Variants in SUSD1 observed in about 807,000 individuals in gnomAD.
The protein encoded by SUSD1 is sushi domain containing 1.
SUSD1 carries 65 observed loss-of-function variants against 86.9 expected under a neutral mutation model. The observed-to-expected ratio is 0.75, with a 90% confidence interval of 0.61 to 0.92. SUSD1 has a LOEUF of 0.92. SUSD1 is among the 40% of genes least tolerant of loss of function. SUSD1 has a pLI of 0.00. For missense variants in SUSD1, 850 were observed against 929.7 expected (o/e 0.91, Z 1.11); for synonymous variants, 346 against 350.0 (o/e 0.99, Z 0.13).
intron 5 of SUSD1, among the ~76,000 whole-genome samples, chr9:112,139,069 G>A (rs929420058): frequency 3.3e-5 from 5 of 152,208 alleles, no homozygotes; most frequent in South Asian, 2.1e-4. Flanking sequence ...AGCAAGTATA[G>A]GAAGAATTTA....
chr9:112,095,952 G>A (rs781429459), intron 10 of SUSD1, among the ~76,000 whole-genome samples: 3 of 152,134 alleles, frequency 2.0e-5, no homozygotes, highest in Non-Finnish European at 2.9e-5. Flanking sequence ...TCTTTGGAAC[G>A]GGCATCAAGA....
intron 2 of SUSD1, among the ~76,000 whole-genome samples, chr9:112,152,751 C>CTTTTTTTTTTTTTTTTT (rs71382410): frequency 5.8e-4 from 51 of 87,490 alleles, no homozygotes; most frequent in African/African-American, 8.0e-4. Flanking sequence ...TTTTTTTAAT[C>CTTTTTTTTTTTTTTTTT]TTTTTTTTTT....
chr9:112,118,603 G>A (rs1564311340), intron 6 of SUSD1, among the ~76,000 whole-genome samples: 1 of 152,132 alleles, frequency 6.6e-6, no homozygotes, highest in Non-Finnish European at 1.5e-5. Context: ...TCCAGCCTCA[G>A]CCTCCCGAGT....
chr9:112,089,964 C>G (rs1028011116), intron 10 of SUSD1, among the ~76,000 whole-genome samples: 7 of 152,092 alleles, frequency 4.6e-5, no homozygotes, highest in African/African-American at 1.7e-4. Flanking sequence ...TTCAACTCTG[C>G]CTTTGTTCCA....
chr9:112,090,490 G>A (rs1228405224), intron 10 of SUSD1, among the ~76,000 whole-genome samples: 2 of 151,938 alleles, frequency 1.3e-5, no homozygotes, highest in East Asian at 3.8e-4. Context: ...AATAATGAAG[G>A]AAACTTTACA....
intron 1 of SUSD1, among the ~76,000 whole-genome samples, chr9:112,165,993 G>GAA (rs1554777907): frequency 1.3e-5 from 2 of 151,144 alleles, no homozygotes; most frequent in East Asian, 2.0e-4. Context: ...AAGAAAGAAA[G>GAA]AAAATAATTT....
chr9:112,045,775 G>A (rs1332991520), intron 15 of SUSD1, among the ~76,000 whole-genome samples: 2 of 152,154 alleles, frequency 1.3e-5, no homozygotes, highest in East Asian at 3.8e-4. Flanking sequence ...TTTCTTCAAG[G>A]TTTATTGAAG....
At chr9:112,118,237 A>T (rs1831409494) in intron 6 of SUSD1, among the ~76,000 whole-genome samples, 1 of 152,196 alleles carries the variant, frequency 6.6e-6, no homozygotes, top group South Asian at 2.1e-4. Flanking sequence ...AACTACCTCC[A>T]AAGGACATTA....
intron 12 of SUSD1, 87 bp downstream of exon 12, chr9:112,078,451 A>C: frequency 7.5e-7 from 1 of 1,338,022 alleles, no homozygotes; most frequent in Non-Finnish European, 1.0e-6. Flanking sequence ...ATATAATGAT[A>C]AAAAGCAACA....
intron 6 of SUSD1, among the ~76,000 whole-genome samples, chr9:112,123,444 C>T (rs944655266): frequency 6.6e-6 from 1 of 152,126 alleles, no homozygotes; most frequent in Non-Finnish European, 1.5e-5. Flanking sequence ...CCACCAGGCC[C>T]CACCTCCAAC....
chr9:112,142,845 C>T (rs562905718), intron 4 of SUSD1, among the ~76,000 whole-genome samples: 3 of 151,622 alleles, frequency 2.0e-5, no homozygotes, highest in African/African-American at 7.3e-5. Flanking sequence ...TTTTCAGGGT[C>T]ACTTTTGAGA....
chr9:112,095,863 A>G (rs1254390981), intron 10 of SUSD1, among the ~76,000 whole-genome samples: 3 of 152,244 alleles, frequency 2.0e-5, no homozygotes, highest in African/African-American at 7.2e-5. Context: ...CTTTCACTAA[A>G]CAGATAAAGA....
chr9:112,162,455 G>A (rs1204302476), intron 1 of SUSD1, among the ~76,000 whole-genome samples: 1 of 152,098 alleles, frequency 6.6e-6, no homozygotes, highest in Non-Finnish European at 1.5e-5. Flanking sequence ...ATTTTTCACT[G>A]AAAACCAAAG....
At chr9:112,045,090 A>C (rs1276077439) in intron 15 of SUSD1, among the ~76,000 whole-genome samples, 10 of 152,268 alleles carry the variant, frequency 6.6e-5, no homozygotes, top group Non-Finnish European at 7.3e-5. Flanking sequence ...TTTGTGCATG[A>C]CTCAGAAACA....
At chr9:112,093,247 T>G (rs1214547095) in intron 10 of SUSD1, among the ~76,000 whole-genome samples, 1 of 152,176 alleles carries the variant, frequency 6.6e-6, no homozygotes, top group Non-Finnish European at 1.5e-5. Context: ...ATCTAATTGG[T>G]AGGAGACTGC....
chr9:112,137,028 G>A (rs965823019), intron 5 of SUSD1, among the ~76,000 whole-genome samples: 2 of 152,154 alleles, frequency 1.3e-5, no homozygotes, highest in Non-Finnish European at 2.9e-5. Flanking sequence ...CTAGAAAAGT[G>A]CATCGGGCTC....
intron 2 of SUSD1, among the ~76,000 whole-genome samples, chr9:112,153,402 G>A (rs1288213164): frequency 6.6e-6 from 1 of 152,150 alleles, no homozygotes; most frequent in Non-Finnish European, 1.5e-5. Context: ...AGGTTGTCAA[G>A]GGCAAGAGCA....
intron 5 of SUSD1, among the ~76,000 whole-genome samples, chr9:112,139,750 T>C (rs1755510595): frequency 1.3e-5 from 2 of 151,576 alleles, no homozygotes; most frequent in East Asian, 3.9e-4. Flanking sequence ...CTAAAAGACA[T>C]GATAAAAATA....
intron 5 of SUSD1, among the ~76,000 whole-genome samples, chr9:112,128,462 C>T (rs575455755): frequency 1.3e-5 from 2 of 152,094 alleles, no homozygotes; most frequent in South Asian, 2.1e-4. Context: ...GGTGCAATCT[C>T]GGTTCACTGC....
Sources: allele counts gnomAD v4.1 joint callset (sites outside exome capture counted in the v4.1 genomes callset), GRCh38; gene constraint gnomAD v4.1.1; transcripts MANE v1.5; gene names NCBI Gene and HGNC (gene_info 2026-07-23, HGNC 2026-07-21).